Variants in CD5 observed in about 807,000 individuals in gnomAD.
CD5 encodes the protein CD5 molecule, also known as T-cell surface glycoprotein CD5.
CD5 carries 36 observed loss-of-function variants against 60.3 expected under a neutral mutation model. The ratio of observed to expected loss-of-function variants is 0.60; its 90% CI spans 0.46 to 0.79. The LOEUF is 0.79. Ranked by LOEUF, CD5 falls within the 30% of genes least tolerant of loss-of-function variation. The pLI, the probability that CD5 is intolerant of heterozygous loss-of-function variation, is 0.00. For synonymous variants in CD5, 230 were observed against 257.6 expected, an observed-to-expected ratio of 0.89 and a Z score of 1.03; for missense variants, 540 against 630.6, an observed-to-expected ratio of 0.86 and a Z score of 1.54.
intron 5 of CD5, 126 bp from the exon 6 acceptor site, chr11:61,121,484 TG>T: frequency 1.5e-6 from 1 of 681,378 alleles, no homozygotes; most frequent in Non-Finnish European, 2.2e-6. Context: ...CTGCCTCTCC[TG>T]GTGGTCCCAC....
chr11:61,101,386 G>T (rs965131192), upstream of CD5, among the ~76,000 whole-genome samples: 1 of 101,968 alleles, frequency 9.8e-6, no homozygotes, highest in Non-Finnish European at 2.0e-5. Flanking sequence ...TCAACATGGA[G>T]ATCACACACA....
At chr11:61,102,365 G>A (rs1328761551), upstream of CD5, 1 of 595,006 alleles carries the variant, frequency 1.7e-6, no homozygotes, top group Non-Finnish European at 3.0e-6. Context: ...ACAGGGGCAG[G>A]TGGTTTTGCC....
chr11:61,100,370 C>A (rs1860651100), upstream of CD5, among the ~76,000 whole-genome samples: 1 of 140,340 alleles, frequency 7.1e-6, no homozygotes, highest in South Asian at 2.3e-4. Context: ...TCACACACAT[C>A]AACATGGAGA....
In CD5 at chr11:61,118,395, C is replaced by A; in HGVS notation, c.315C>A (p.Ile105=). ...TCACCTACACACCTCAGAGCTCAATCATCTGCTACGGACAACTGGGCTCCT... is the reference window on the plus strand; with the variant it reads ...TCACCTACACACCTCAGAGCTCAATAATCTGCTACGGACAACTGGGCTCCT... ...FLVTYTPQSS[I]ICYGQLGSFS... Residue 105 remains isoleucine, a synonymous_variant, in exon 3 of 11, where the codon ATC becomes ATA. Coordinates refer to ENST00000347785, the MANE Select transcript of CD5 (RefSeq NM_014207.4). The surrounding 1 kb of genome is among the most constrained non-coding windows in gnomAD (Gnocchi z 4.7). The A allele has an allele frequency of 2.5e-6, 4 of 1,614,246 alleles. No homozygotes were observed. The highest frequency in any genetic ancestry group is 3.4e-6 in the Non-Finnish European group (4 of 1,180,032).
intron 8 of CD5, among the ~76,000 whole-genome samples, 179 bp downstream of exon 8, chr11:61,124,116 A>G (rs1295114201): frequency 6.6e-6 from 1 of 152,082 alleles, no homozygotes; most frequent in African/African-American, 2.4e-5. Context: ...GGGAGGGCGG[A>G]GGCTTCTTGA....
intron 1 of CD5, among the ~76,000 whole-genome samples, chr11:61,114,207 G>A (rs1860901805): frequency 6.6e-6 from 1 of 151,784 alleles, no homozygotes; most frequent in Middle Eastern, 3.4e-3. Context: ...CAACTTCTGG[G>A]CTCAAGCGGT....
chr11:61,110,548 G>T (rs1860839864), intron 1 of CD5, among the ~76,000 whole-genome samples: 2 of 152,216 alleles, frequency 1.3e-5, no homozygotes, highest in South Asian at 4.1e-4. Context: ...CTTTGATCAG[G>T]ATTGCACACC....
intron 1 of CD5, among the ~76,000 whole-genome samples, chr11:61,111,496 G>T (rs912883289): frequency 2.0e-5 from 3 of 152,192 alleles, no homozygotes; most frequent in South Asian, 4.1e-4. Context: ...TGTTAATAAT[G>T]AACGTTGAGT....
At chr11:61,101,911 T>TACAC (rs35648034), upstream of CD5, among the ~76,000 whole-genome samples, 1,206 of 142,440 alleles carry the variant, frequency 8.5e-3, 8 homozygotes, top group South Asian at 0.029. Flanking sequence ...TCTCTCTCTC[T>TACAC]ACACACACAC....
upstream of CD5, among the ~76,000 whole-genome samples, chr11:61,099,112 A>G (rs1459625814): frequency 6.6e-6 from 1 of 152,246 alleles, no homozygotes; most frequent in African/African-American, 2.4e-5. Flanking sequence ...TTCTTTGCAG[A>G]GACCCTGCCT....
Position 61,102,608 on chromosome 11 carries a change from G to GATGC in CD5, c.49_52dup (p.Leu18HisfsTer14). 6.3e-7 allele frequency: 1 copy of GATGC among 1,589,116 alleles called. No homozygotes were observed. The highest frequency in any genetic ancestry group is 8.6e-7 in the Non-Finnish European group (1 of 1,167,234). ...CGCTGGCCACCTTGTACCTGCTGGG[G>GATGC]ATGCTGGGTGAGTACCCCTCCCAGG... On this transcript the variant is annotated frameshift_variant, in exon 1 of 11. Transcript: ENST00000347785. LOFTEE classifies it high-confidence loss of function.
At chr11:61,094,080 T>C in the CD5 span, among the ~76,000 whole-genome samples, 1 of 152,024 alleles carries the variant, frequency 6.6e-6, no homozygotes, top group Non-Finnish European at 1.5e-5. Flanking sequence ...GGAAGCAAAG[T>C]GATTAACGGA....
chr11:61,103,785 G>C (rs1161969487), intron 1 of CD5, among the ~76,000 whole-genome samples: 2 of 138,948 alleles, frequency 1.4e-5, no homozygotes, highest in East Asian at 4.4e-4. Flanking sequence ...AGTACTGTCT[G>C]GGGGGGAATG....
intron 1 of CD5, among the ~76,000 whole-genome samples, chr11:61,110,979 G>A (rs1860847321): frequency 6.6e-6 from 1 of 152,194 alleles, no homozygotes; most frequent in African/African-American, 2.4e-5. Flanking sequence ...GGCACCCAGA[G>A]GAAGGTTCCA....
chr11:61,094,702 G>A, the CD5 span, among the ~76,000 whole-genome samples: 6 of 152,054 alleles, frequency 3.9e-5, no homozygotes, highest in Admixed American at 2.6e-4. Context: ...GTTTTGTCTC[G>A]AGGAAACATG....
intron 10 of CD5, among the ~76,000 whole-genome samples, 180 bp downstream of exon 10, chr11:61,126,021 G>C (rs1191029911): frequency 6.6e-6 from 1 of 152,246 alleles, no homozygotes; most frequent in African/African-American, 2.4e-5. Flanking sequence ...TATACGAGCT[G>C]ATTTGACAAT....
At chr11:61,111,340 G>A (rs961517687) in intron 1 of CD5, among the ~76,000 whole-genome samples, 7 of 152,176 alleles carry the variant, frequency 4.6e-5, no homozygotes, top group Non-Finnish European at 2.9e-5. Flanking sequence ...TATTACCCGG[G>A]ACAGGGCATT....
chr11:61,124,143 C>T (rs956165744), intron 8 of CD5, among the ~76,000 whole-genome samples: 4 of 152,070 alleles, frequency 2.6e-5, no homozygotes, highest in African/African-American at 9.7e-5. Context: ...GATGGCTGAG[C>T]GGTTTCTACC....
chr11:61,101,780 ACAT>A (rs1246528950), upstream of CD5, among the ~76,000 whole-genome samples: 1 of 152,076 alleles, frequency 6.6e-6, no homozygotes, highest in Admixed American at 6.5e-5. Flanking sequence ...GTTCACACAC[ACAT>A]CAACATGGAG....
Sources: allele counts gnomAD v4.1 joint callset (sites outside exome capture counted in the v4.1 genomes callset), GRCh38; gene constraint gnomAD v4.1.1; non-coding constraint Gnocchi (gnomAD v3.1); transcripts MANE v1.5; gene names NCBI Gene and HGNC (gene_info 2026-07-23, HGNC 2026-07-21).